SPMIP4: variants seen among roughly 807,000 people sequenced by gnomAD.
The protein encoded by SPMIP4 is sperm-associated microtubule inner protein 4.
chr7:25,159,234 C>A, the SPMIP4 span, among the ~76,000 whole-genome samples: 4 of 152,126 alleles, frequency 2.6e-5, no homozygotes, highest in Non-Finnish European at 5.9e-5. Context: ...TATTTAAGTA[C>A]CATGTATGCT....
the SPMIP4 span, among the ~76,000 whole-genome samples, chr7:25,133,526 A>T: frequency 6.6e-6 from 1 of 152,236 alleles, no homozygotes; most frequent in Non-Finnish European, 1.5e-5. Context: ...AAGATCTCTC[A>T]GATTGTGACC....
At chr7:25,165,801 G>A in the SPMIP4 span, among the ~76,000 whole-genome samples, 1 of 152,206 alleles carries the variant, frequency 6.6e-6, no homozygotes, top group Non-Finnish European at 1.5e-5. Context: ...CCGATGTACC[G>A]TGTATTGAAT....
the SPMIP4 span, chr7:25,168,483 C>A: frequency 9.6e-6 from 15 of 1,561,260 alleles, no homozygotes; most frequent in South Asian, 1.8e-4. Context: ...AAAAGAGAGA[C>A]TTCAAAGAGC....
the SPMIP4 span, among the ~76,000 whole-genome samples, chr7:25,165,619 A>G: frequency 6.6e-6 from 1 of 152,140 alleles, no homozygotes; most frequent in Non-Finnish European, 1.5e-5. Context: ...AGGTGCTGGG[A>G]TTACAGGCGT....
the SPMIP4 span, among the ~76,000 whole-genome samples, chr7:25,171,068 G>C: frequency 6.6e-6 from 1 of 152,154 alleles, no homozygotes; most frequent in African/African-American, 2.4e-5. Flanking sequence ...AGCCCTCCAG[G>C]TGATTCTTGT....
At chr7:25,136,133 G>A in the SPMIP4 span, 1 of 1,614,156 alleles carries the variant, frequency 6.2e-7, no homozygotes, top group South Asian at 1.1e-5. The surrounding 1 kb of genome is among the most constrained non-coding windows in gnomAD (Gnocchi z 5.7). Flanking sequence ...AGGTTGGTCT[G>A]AGGTTTGGTC....
the SPMIP4 span, among the ~76,000 whole-genome samples, chr7:25,140,619 G>A: frequency 7.3e-4 from 106 of 144,950 alleles, no homozygotes; most frequent in Admixed American, 1.6e-3. Context: ...CAGTTTTTTT[G>A]TTTTCTTTTC....
chr7:25,158,537 T>TA, the SPMIP4 span: 3 of 1,607,948 alleles, frequency 1.9e-6, no homozygotes, highest in Non-Finnish European at 2.6e-6. Context: ...TATCCTAGAA[T>TA]AAAAACAGGA....
the SPMIP4 span, chr7:25,151,558 T>C: frequency 7.8e-7 from 1 of 1,287,538 alleles, no homozygotes; most frequent in Non-Finnish European, 1.1e-6. Flanking sequence ...AAAATATTTG[T>C]TACTTTCCTT....
the SPMIP4 span, among the ~76,000 whole-genome samples, chr7:25,153,834 C>T: frequency 6.6e-6 from 1 of 152,210 alleles, no homozygotes; most frequent in Non-Finnish European, 1.5e-5. Flanking sequence ...TACTAACAGC[C>T]AGTATACTTG....
the SPMIP4 span, chr7:25,135,284 T>C: frequency 2.1e-6 from 2 of 972,448 alleles, no homozygotes; most frequent in Non-Finnish European, 2.4e-6. Context: ...TAATTTTATC[T>C]GCATAAAAGA....
chr7:25,157,525 G>A, the SPMIP4 span, among the ~76,000 whole-genome samples: 1 of 152,198 alleles, frequency 6.6e-6, no homozygotes, highest in Non-Finnish European at 1.5e-5. Flanking sequence ...GCTACGATGC[G>A]ATGAAAACAG....
the SPMIP4 span, among the ~76,000 whole-genome samples, chr7:25,166,613 G>A: frequency 3.9e-5 from 6 of 151,900 alleles, no homozygotes; most frequent in African/African-American, 9.7e-5. Context: ...TTGGCCAGGC[G>A]CGGTGGCTCA....
At chr7:25,180,305 C>G in the SPMIP4 span, 1 of 152,382 alleles carries the variant, frequency 6.6e-6, no homozygotes, top group Non-Finnish European at 1.5e-5. Context: ...CGAAGAGGAA[C>G]CGAGAGTGAA....
the SPMIP4 span, among the ~76,000 whole-genome samples, chr7:25,128,438 CCT>C: frequency 6.6e-6 from 1 of 152,218 alleles, no homozygotes; most frequent in Non-Finnish European, 1.5e-5. The surrounding 1 kb of genome is among the most constrained non-coding windows in gnomAD (Gnocchi z 4.5). Context: ...ACTCTTCCCT[CCT>C]CTTTCCTCAA....
chr7:25,155,574 GA>G, the SPMIP4 span, among the ~76,000 whole-genome samples: 1,748 of 152,216 alleles, frequency 0.011, 17 homozygotes, highest in Non-Finnish European at 0.016. Flanking sequence ...AGGCTCCCAG[GA>G]ATTGTTTTGG....
the SPMIP4 span, chr7:25,168,260 T>G: frequency 1.3e-6 from 2 of 1,580,734 alleles, no homozygotes; most frequent in Admixed American, 4.1e-5. Flanking sequence ...AATAAAGACC[T>G]TTCTGTGAAT....
At chr7:25,142,780 A>T in the SPMIP4 span, 1 of 1,567,718 alleles carries the variant, frequency 6.4e-7, no homozygotes, top group African/African-American at 1.4e-5. Context: ...TTTTGGGTAG[A>T]ATACTGGCTT....
the SPMIP4 span, among the ~76,000 whole-genome samples, chr7:25,142,037 A>G: frequency 6.6e-6 from 1 of 152,198 alleles, no homozygotes; most frequent in African/African-American, 2.4e-5. Flanking sequence ...CGCCTGGCCC[A>G]AGAAAAGAAA....
Sources: allele counts gnomAD v4.1 joint callset (sites outside exome capture counted in the v4.1 genomes callset), GRCh38; gene constraint gnomAD v4.1.1; non-coding constraint Gnocchi (gnomAD v3.1); transcripts MANE v1.5; gene names NCBI Gene and HGNC (gene_info 2026-07-23, HGNC 2026-07-21).